ST18: variants seen among roughly 807,000 people sequenced by gnomAD.
ST18 encodes ST18 C2H2C-type zinc finger transcription factor, also known as suppression of tumorigenicity 18 protein.
A neutral mutation model predicts 110.0 loss-of-function variants in ST18; 50 were observed. The ratio of observed to expected loss-of-function variants is 0.45; its 90% CI spans 0.36 to 0.58. ST18 has a LOEUF of 0.58. Ranked by LOEUF, ST18 falls within the 20% of genes least tolerant of loss-of-function variation. The pLI is 0.00. For missense variants in ST18, 1,306 were observed against 1,280.1 expected (o/e 1.02, Z -0.31); for synonymous variants, 461 against 452.4 (o/e 1.02, Z -0.24).
intron 15 of ST18, among the ~76,000 whole-genome samples, chr8:52,152,540 G>A (rs577469809): frequency 2.5e-4 from 38 of 152,128 alleles, no homozygotes; most frequent in African/African-American, 3.4e-4. Context: ...CCAGGCCATC[G>A]ATTTCAGCCA....
intron 2 of ST18, among the ~76,000 whole-genome samples, chr8:52,335,524 G>A (rs576373520): frequency 4.6e-5 from 7 of 152,210 alleles, no homozygotes; most frequent in Admixed American, 3.3e-4. Flanking sequence ...ATCAAAGCAC[G>A]GATTTCATAT....
chr8:52,152,090 C>T (rs1479121775), intron 15 of ST18, among the ~76,000 whole-genome samples: 1 of 152,226 alleles, frequency 6.6e-6, no homozygotes, highest in Non-Finnish European at 1.5e-5. Context: ...GAGGCGCTTT[C>T]CTGCATCCTG....
intron 19 of ST18, among the ~76,000 whole-genome samples, chr8:52,134,729 G>T (rs1385498004): frequency 6.6e-6 from 1 of 151,894 alleles, no homozygotes; most frequent in African/African-American, 2.4e-5. Context: ...TCCATTATAA[G>T]AAAGTTTTAC....
chr8:52,344,108 G>A (rs566417278), intron 2 of ST18, among the ~76,000 whole-genome samples: 151 of 152,170 alleles, frequency 9.9e-4, no homozygotes, highest in African/African-American at 3.4e-3. Flanking sequence ...ACTAAGGTAC[G>A]AAATCAATTT....
intron 2 of ST18, among the ~76,000 whole-genome samples, chr8:52,358,990 AT>A (rs978095790): frequency 6.6e-6 from 1 of 152,004 alleles, no homozygotes; most frequent in Non-Finnish European, 1.5e-5. Flanking sequence ...TAGGAACCAA[AT>A]TTATTTAATA....
intron 22 of ST18, among the ~76,000 whole-genome samples, chr8:52,130,097 AG>A (rs1268333271): frequency 1.2e-5 from 1 of 81,422 alleles, no homozygotes; most frequent in African/African-American, 5.5e-5. Context: ...AGAAAGAAAA[AG>A]AAAGAAAGAA....
In ST18 at chr8:52,334,841, G is replaced by A. The variant is rs565737935; in HGVS notation, c.-465+74487C>T. 4.6e-5 allele frequency among the ~76,000 whole-genome samples: 7 copies of A among 152,258 alleles called. No homozygotes were observed. In the East Asian group the frequency reaches 1.4e-3, roughly 29 times the overall value. ...TCTCAGCAAATCCAAGGACTCAGAA[G>A]GAACCCTTCACCAACTGCCCATTCC... On this transcript the variant is annotated intron_variant, in intron 2 of 25. Transcript: ENST00000689386.
chr8:52,134,617 T>C (rs2051204887), intron 19 of ST18, among the ~76,000 whole-genome samples: 1 of 152,148 alleles, frequency 6.6e-6, no homozygotes, highest in South Asian at 2.1e-4. Flanking sequence ...TTTTTTTTTC[T>C]TTTTTCAAAT....
intron 21 of ST18, 68 bp from the exon 22 acceptor site, chr8:52,132,247 C>A: frequency 7.6e-7 from 1 of 1,321,246 alleles, no homozygotes; most frequent in African/African-American, 1.5e-5. Flanking sequence ...CTCCAGAGAA[C>A]AAACCATGCA....
intron 14 of ST18, among the ~76,000 whole-genome samples, chr8:52,160,416 A>T (rs1013098837): frequency 6.6e-6 from 1 of 152,220 alleles, no homozygotes. Flanking sequence ...ACGAAATTCT[A>T]GTTCTCTGAA....
At chr8:52,209,284 C>T (rs1042905120) in intron 8 of ST18, among the ~76,000 whole-genome samples, 3 of 152,094 alleles carry the variant, frequency 2.0e-5, no homozygotes, top group Admixed American at 6.5e-5. Flanking sequence ...GAGAAGCTGG[C>T]CTTTGAGTCA....
chr8:52,212,370 T>C (rs1407579347), intron 7 of ST18, among the ~76,000 whole-genome samples: 1 of 152,182 alleles, frequency 6.6e-6, no homozygotes, highest in Admixed American at 6.5e-5. Flanking sequence ...TCCTTAGAGA[T>C]TCATTGAAAA....
chr8:52,157,301 G>A (rs1233701464), intron 15 of ST18, among the ~76,000 whole-genome samples: 1 of 152,062 alleles, frequency 6.6e-6, no homozygotes, highest in Non-Finnish European at 1.5e-5. Context: ...TGAGGAACAG[G>A]AACACATCTA....
At chr8:52,152,070 A>G (rs1342442590) in intron 15 of ST18, among the ~76,000 whole-genome samples, 1 of 152,216 alleles carries the variant, frequency 6.6e-6, no homozygotes, top group African/African-American at 2.4e-5. Context: ...ATTACTCCTA[A>G]TGTTTAAAAG....
At chr8:52,215,192 G>C (rs2083695944) in intron 6 of ST18, among the ~76,000 whole-genome samples, 1 of 152,150 alleles carries the variant, frequency 6.6e-6, no homozygotes, top group African/African-American at 2.4e-5. Context: ...CTGCATTTCT[G>C]CTCTCAGAGG....
chr8:52,310,605 A>G (rs1421930418), intron 2 of ST18, among the ~76,000 whole-genome samples: 1 of 148,520 alleles, frequency 6.7e-6, no homozygotes, highest in East Asian at 2.0e-4. Context: ...GGAATTTTTA[A>G]AAGTCTACTC....
In ST18 at chr8:52,161,597, G is replaced by A. The variant is rs535559622; in HGVS notation, c.1401-29C>T. ...GAGAGGGGGGTGAAGCAGTTCAAAAGAAATACAATGAAACTACTGGTGAGC... is the reference window on the plus strand; with the variant it reads ...GAGAGGGGGGTGAAGCAGTTCAAAAAAAATACAATGAAACTACTGGTGAGC... On this transcript the variant is annotated intron_variant, in intron 13 of 25. Transcript: ENST00000689386. 3.1e-6 allele frequency: 5 copies of A among 1,608,568 alleles called. No homozygotes were observed. The South Asian group carries it at 5.5e-5, about 18-fold the overall frequency.
At chr8:52,125,482 T>C (rs1158596320) in intron 23 of ST18, among the ~76,000 whole-genome samples, 1 of 152,212 alleles carries the variant, frequency 6.6e-6, no homozygotes, top group African/African-American at 2.4e-5. Flanking sequence ...AGTGTATCTT[T>C]GTTGTTGTTG....
chr8:52,358,959 C>CA (rs1206947581), intron 2 of ST18, among the ~76,000 whole-genome samples: 1 of 151,688 alleles, frequency 6.6e-6, no homozygotes, highest in Non-Finnish European at 1.5e-5. Flanking sequence ...AATATACAAG[C>CA]AAAAATCCCC....
Sources: allele counts gnomAD v4.1 joint callset (sites outside exome capture counted in the v4.1 genomes callset), GRCh38; gene constraint gnomAD v4.1.1; transcripts MANE v1.5; gene names NCBI Gene and HGNC (gene_info 2026-07-23, HGNC 2026-07-21).